HDHD2: variants seen among roughly 807,000 people sequenced by gnomAD.
HDHD2 encodes haloacid dehalogenase like hydrolase domain containing 2.
Under a neutral mutation model 24.8 loss-of-function variants are expected in HDHD2, and 26 were observed. The ratio of observed to expected loss-of-function variants is 1.05; its 90% CI spans 0.77 to 1.45. The LOEUF is 1.45. Ranked by LOEUF, HDHD2 falls within the 40% of genes most tolerant of loss-of-function variation. The probability of loss-of-function intolerance (pLI) is 0.00; values close to 1 mark genes in which losing one functional copy is unlikely to be tolerated. For synonymous variants in HDHD2, 128 were observed against 114.9 expected, an observed-to-expected ratio of 1.11 and a Z score of -0.73; for missense variants, 299 against 313.4, an observed-to-expected ratio of 0.95 and a Z score of 0.35.
intron 1 of HDHD2, among the ~76,000 whole-genome samples, chr18:47,144,513 A>G (rs1397317811): frequency 6.6e-6 from 1 of 152,200 alleles, no homozygotes; most frequent in Non-Finnish European, 1.5e-5. Flanking sequence ...ATTACCTAAG[A>G]TAAGCCTCAG....
intron 4 of HDHD2, among the ~76,000 whole-genome samples, chr18:47,129,693 T>G (rs1009438278): frequency 3.3e-5 from 5 of 152,208 alleles, no homozygotes; most frequent in African/African-American, 1.2e-4. Context: ...AGAATCGCAT[T>G]TATTGTTTTT....
intron 4 of HDHD2, among the ~76,000 whole-genome samples, chr18:47,118,655 T>C (rs192920165): frequency 3.9e-4 from 59 of 152,276 alleles, no homozygotes; most frequent in African/African-American, 9.9e-4. Context: ...GATGGGTTGA[T>C]AGATGCAGCA....
intron 1 of HDHD2, among the ~76,000 whole-genome samples, chr18:47,148,545 G>A (rs1227286880): frequency 6.6e-6 from 1 of 152,148 alleles, no homozygotes; most frequent in Non-Finnish European, 1.5e-5. Context: ...ATCCCAAGAG[G>A]AGAACTTCCA....
chr18:47,110,630 G>A (rs1297303724), intron 6 of HDHD2: 2 of 984,716 alleles, frequency 2.0e-6, no homozygotes, highest in Non-Finnish European at 2.4e-6. Context: ...TTTAGTTCTA[G>A]CACCTAGCAC....
chr18:47,146,349 G>T (rs1384053219), intron 1 of HDHD2, among the ~76,000 whole-genome samples: 3 of 151,864 alleles, frequency 2.0e-5, no homozygotes, highest in Admixed American at 6.6e-5. Context: ...CCAACCTACA[G>T]ATGGGCAAAA....
At chr18:47,128,340 TCTC>T in intron 4 of HDHD2, among the ~76,000 whole-genome samples, 1 of 152,160 alleles carries the variant, frequency 6.6e-6, no homozygotes, top group Non-Finnish European at 1.5e-5. Flanking sequence ...ATCAATATCT[TCTC>T]CTTGAATTCT....
At chr18:47,146,100 G>C (rs780681659) in intron 1 of HDHD2, among the ~76,000 whole-genome samples, 3 of 151,870 alleles carry the variant, frequency 2.0e-5, no homozygotes, top group African/African-American at 7.3e-5. Context: ...ATGGTGGCAG[G>C]CACCTGTAAT....
At chr18:47,130,143 T>C (rs900923580) in intron 4 of HDHD2, 101 bp downstream of exon 4, 6 of 657,894 alleles carry the variant, frequency 9.1e-6, no homozygotes, top group South Asian at 9.0e-5. Context: ...ACAATTTAGG[T>C]GGCCAGAAAG....
At chr18:47,127,404 G>C (rs1232370222) in intron 4 of HDHD2, among the ~76,000 whole-genome samples, 1 of 152,130 alleles carries the variant, frequency 6.6e-6, no homozygotes, top group Non-Finnish European at 1.5e-5. Context: ...GTGCTAAAAT[G>C]TTAACTGTCG....
chr18:47,118,340 G>T (rs896671936), intron 4 of HDHD2, among the ~76,000 whole-genome samples: 3 of 152,108 alleles, frequency 2.0e-5, no homozygotes, highest in Non-Finnish European at 4.4e-5. Flanking sequence ...GAAAAGACAT[G>T]AAATCAACCC....
rs541214973 is a variant in HDHD2 at position 47,131,567 on chromosome 18, G to A, written c.311-1239C>T. On this transcript the variant is annotated intron_variant, in intron 3 of 6. Coordinates refer to ENST00000300605, the MANE Select transcript of HDHD2 (RefSeq NM_032124.5). The stretch of plus-strand genomic sequence containing the variant: ...TGTCATTACTTTAGGCTTTTCCAGT[G>A]GAAGATTACATAATATGTATTATTT... Among the ~76,000 whole-genome samples, 148 of 152,206 alleles carry A rather than the reference G, an allele frequency of 9.7e-4. 1 individual carries two copies. The highest frequency in any genetic ancestry group is 3.4e-3 in the African/African-American group (142 of 41,520).
chr18:47,127,657 G>A (rs1427639416), intron 4 of HDHD2, among the ~76,000 whole-genome samples: 1 of 144,056 alleles, frequency 6.9e-6, no homozygotes, highest in Non-Finnish European at 1.5e-5. Context: ...TTCGAGATGA[G>A]CCGAGATCAC....
At chr18:47,136,275 G>T in intron 2 of HDHD2, 64 bp downstream of exon 2, 1 of 1,596,856 alleles carries the variant, frequency 6.3e-7, no homozygotes. Context: ...TTTAGCTAAT[G>T]ATCTGCCGTG....
chr18:47,140,924 T>C (rs575744459), intron 1 of HDHD2, among the ~76,000 whole-genome samples: 1 of 152,348 alleles, frequency 6.6e-6, no homozygotes, highest in South Asian at 2.1e-4. Flanking sequence ...GAATTTTCTA[T>C]GTAGACAATA....
chr18:47,125,955 G>A (rs948080820), intron 4 of HDHD2, among the ~76,000 whole-genome samples: 2 of 152,120 alleles, frequency 1.3e-5, no homozygotes, highest in Non-Finnish European at 2.9e-5. Flanking sequence ...AGAGTAGCAG[G>A]AGCTGCCTGC....
chr18:47,147,351 T>C (rs2063882093), intron 1 of HDHD2, among the ~76,000 whole-genome samples: 1 of 152,176 alleles, frequency 6.6e-6, no homozygotes, highest in African/African-American at 2.4e-5. Flanking sequence ...GACCTTGAAT[T>C]GAAGGATTAT....
At chr18:47,132,246 ACT>A (rs1405607412) in intron 3 of HDHD2, among the ~76,000 whole-genome samples, 1 of 152,090 alleles carries the variant, frequency 6.6e-6, no homozygotes, top group Non-Finnish European at 1.5e-5. Context: ...TATGCAGAGC[ACT>A]CTTTATCAAG....
At chr18:47,120,800 T>A (rs1391574853) in intron 4 of HDHD2, among the ~76,000 whole-genome samples, 5 of 152,090 alleles carry the variant, frequency 3.3e-5, no homozygotes, top group African/African-American at 1.2e-4. Context: ...TGAGCATCAT[T>A]GTGTCTCAGG....
At position 47,136,384 on chromosome 18, in the gene HDHD2, T is replaced by C; in HGVS notation, c.56A>G (p.His19Arg). The C allele has an allele frequency of 6.2e-7, 1 of 1,613,198 alleles. No homozygotes were observed. Among genetic ancestry groups the C allele is most frequent in the Non-Finnish European group, 8.5e-7 (1 of 1,179,786 alleles). ...AVLVDLSGTL[H>R]IEDAAVPGAQ... ...GCCTGGCACAGCTGCATCTTCAATG[T>C]GAAGTGTGCCACTGAGATCTACCAA... The change falls in exon 2 of 7, where the codon CAC (histidine) becomes CGC (arginine). Residue 19 changes from histidine (H) to arginine (R), a missense_variant. His to Arg is a conservative substitution (Grantham distance 29, BLOSUM62 0). Coordinates refer to ENST00000300605, the MANE Select transcript of HDHD2 (RefSeq NM_032124.5).
Sources: gnomAD v4.1 joint callset for allele counts (sites outside exome capture counted in the v4.1 genomes callset) on GRCh38, gnomAD v4.1.1 for gene constraint, MANE v1.5 for transcripts, NCBI Gene and HGNC (gene_info 2026-07-23, HGNC 2026-07-21) for gene names.